The following AGBL1 variants were observed in gnomAD, a reference collection of about 807,000 sequenced individuals.
AGBL1 encodes AGBL carboxypeptidase 1, also known as cytosolic carboxypeptidase 4.
In AGBL1, 130 loss-of-function variants were observed where a neutral mutation model predicts 118.9. The ratio of observed to expected loss-of-function variants is 1.09; its 90% CI spans 0.95 to 1.26. The LOEUF is 1.26. Ranked by LOEUF, AGBL1 falls within the 50% of genes most tolerant of loss-of-function variation. The probability of loss-of-function intolerance (pLI) is 0.00; values close to 1 mark genes in which losing one functional copy is unlikely to be tolerated. For synonymous variants in AGBL1, 555 were observed against 478.9 expected (o/e 1.16, Z -2.08); for missense variants, 1,584 against 1,298.1 (o/e 1.22, Z -3.38).
At chr15:86,858,422 G>T (rs1365868563) in intron 22 of AGBL1, among the ~76,000 whole-genome samples, 3 of 151,842 alleles carry the variant, frequency 2.0e-5, no homozygotes, top group African/African-American at 7.3e-5. Context: ...ACAGGAGACA[G>T]TTTCTGACTT....
intron 18 of AGBL1, among the ~76,000 whole-genome samples, chr15:86,443,709 T>A (rs1345706368): frequency 6.6e-6 from 1 of 152,238 alleles, no homozygotes; most frequent in Non-Finnish European, 1.5e-5. Context: ...TATTTCTTTT[T>A]TTGTGCTTGC....
chr15:86,111,537 C>A (rs961727178), intron 1 of AGBL1, among the ~76,000 whole-genome samples: 1 of 152,170 alleles, frequency 6.6e-6, no homozygotes, highest in African/African-American at 2.4e-5. Flanking sequence ...GAAGCTGAAG[C>A]CTCATGGCTG....
chr15:86,182,777 AT>A (rs2077571598), intron 5 of AGBL1, among the ~76,000 whole-genome samples: 1 of 152,150 alleles, frequency 6.6e-6, no homozygotes, highest in African/African-American at 2.4e-5. Flanking sequence ...CTCCTCAAAT[AT>A]TTTATAGGAG....
rs771624659 is a variant in AGBL1, at chr15:86,264,307, A to G, written c.1136A>G (p.Tyr379Cys). Reference sequence around the variant, plus strand: ...GATTTGAACTCTGAAAAGACTCAGTATGCCAATCACCACCACATTCCAGCC... The same window carrying G: ...GATTTGAACTCTGAAAAGACTCAGTGTGCCAATCACCACCACATTCCAGCC... ...GDDLNSEKTQ[Y>C]ANHHHIPAAA... The change falls in exon 11 of 23, where the codon TAT (tyrosine) becomes TGT (cysteine). Residue 379 changes from tyrosine (Y) to cysteine (C), a missense_variant. By Grantham distance (194) the Tyr-to-Cys change is radical. Coordinates refer to ENST00000614907, the MANE Select transcript of AGBL1 (RefSeq NM_001386094.1). 4 of 1,610,172 alleles carry G rather than the reference A, an allele frequency of 2.5e-6. No homozygotes were observed.
chr15:86,179,879 T>A (rs1211403801), intron 5 of AGBL1, among the ~76,000 whole-genome samples: 1 of 152,152 alleles, frequency 6.6e-6, no homozygotes, highest in African/African-American at 2.4e-5. Flanking sequence ...ATACAAAAAA[T>A]TTATATTTCT....
At chr15:86,942,344 A>G (rs1185097482) in intron 23 of AGBL1, among the ~76,000 whole-genome samples, 3 of 152,234 alleles carry the variant, frequency 2.0e-5, no homozygotes, top group Admixed American at 2.0e-4. Flanking sequence ...TACTCCTGGA[A>G]GGGCTCATTT....
chr15:86,973,097 C>T (rs72757453), intron 23 of AGBL1, among the ~76,000 whole-genome samples: 5,680 of 151,970 alleles, frequency 0.037, 147 homozygotes, highest in Middle Eastern at 0.068. Flanking sequence ...AACAGTAGTA[C>T]TGGTATGTAT....
At chr15:86,146,655 A>G (rs2077037226) in intron 3 of AGBL1, among the ~76,000 whole-genome samples, 1 of 152,206 alleles carries the variant, frequency 6.6e-6, no homozygotes, top group African/African-American at 2.4e-5. Context: ...TCACCTTGAT[A>G]TTACTATTGT....
intron 18 of AGBL1, among the ~76,000 whole-genome samples, chr15:86,485,744 A>T (rs1282710046): frequency 6.6e-6 from 1 of 152,104 alleles, no homozygotes; most frequent in Non-Finnish European, 1.5e-5. Flanking sequence ...AACTCCTAAA[A>T]CATATTGAGA....
chr15:86,843,057 C>T (rs141045982), intron 22 of AGBL1, among the ~76,000 whole-genome samples: 81 of 152,202 alleles, frequency 5.3e-4, no homozygotes, highest in African/African-American at 1.7e-3. Flanking sequence ...ATTTGGGGGC[C>T]GTCTACCAAG....
At chr15:86,523,681 C>G (rs115984101) in intron 19 of AGBL1, among the ~76,000 whole-genome samples, 3,459 of 136,666 alleles carry the variant, frequency 0.025, 70 homozygotes, top group Middle Eastern at 0.085. Context: ...ACGAAATCCT[C>G]TAGGTGTTTA....
At chr15:86,903,768 G>A (rs2080243342) in intron 22 of AGBL1, among the ~76,000 whole-genome samples, 1 of 152,152 alleles carries the variant, frequency 6.6e-6, no homozygotes, top group Non-Finnish European at 1.5e-5. Flanking sequence ...CTGGGCCATG[G>A]TGGGAATTCC....
At chr15:86,208,868 A>G (rs888064681) in intron 5 of AGBL1, among the ~76,000 whole-genome samples, 2 of 151,834 alleles carry the variant, frequency 1.3e-5, no homozygotes, top group Non-Finnish European at 2.9e-5. Flanking sequence ...CTAGCTTTTG[A>G]ATTTGTTTGC....
chr15:86,527,728 G>T lies in AGBL1; in HGVS notation c.2685+4789G>T, dbSNP rs149099881. The stretch of plus-strand genomic sequence containing the variant: ...ATCCACCGGTTCTAGATACTATTCA[G>T]CCATTTGCTTATTGGTGAGTGGATT... On this transcript the variant is annotated intron_variant, in intron 19 of 22. Transcript: ENST00000614907. Among the ~76,000 whole-genome samples the T allele has an allele frequency of 3.5e-3, 536 of 152,286 alleles. 1 individual carries two copies. Among genetic ancestry groups the T allele is most frequent in the Non-Finnish European group, 4.2e-3 (285 of 68,024 alleles).
chr15:86,373,759 C>T (rs999704264), intron 17 of AGBL1, among the ~76,000 whole-genome samples: 2 of 152,194 alleles, frequency 1.3e-5, no homozygotes, highest in African/African-American at 4.8e-5. Context: ...CACATTCGGT[C>T]TGGGTTCAAG....
chr15:86,522,763 A>G, intron 18 of AGBL1, 47 bp from the exon 19 acceptor site: 1 of 1,591,444 alleles, frequency 6.3e-7, no homozygotes, highest in Non-Finnish European at 8.6e-7. Context: ...TTCTCAAGTT[A>G]TTTTCTTCTG....
intron 18 of AGBL1, among the ~76,000 whole-genome samples, chr15:86,494,871 G>C (rs1275598972): frequency 6.6e-6 from 1 of 151,600 alleles, no homozygotes; most frequent in African/African-American, 2.4e-5. Context: ...ATGTGCAAAG[G>C]ATATGTAAGG....
chr15:86,385,592 A>T (rs1207100772), intron 17 of AGBL1, among the ~76,000 whole-genome samples: 1 of 152,232 alleles, frequency 6.6e-6, no homozygotes, highest in East Asian at 1.9e-4. Context: ...GGAAAGTGGG[A>T]GTTCTTTGAG....
intron 21 of AGBL1, among the ~76,000 whole-genome samples, chr15:86,637,971 C>T (rs970734841): frequency 3.3e-5 from 5 of 152,062 alleles, no homozygotes; most frequent in African/African-American, 1.2e-4. Context: ...TCCTTCTGCC[C>T]CTCAGGGCTC....
Sources: gnomAD v4.1 joint callset for allele counts (sites outside exome capture counted in the v4.1 genomes callset) on GRCh38, gnomAD v4.1.1 for gene constraint, MANE v1.5 for transcripts, NCBI Gene and HGNC (gene_info 2026-07-23, HGNC 2026-07-21) for gene names.